The following ARHGAP31 variants were observed in gnomAD, a reference collection of about 807,000 sequenced individuals.
ARHGAP31 encodes the protein Rho GTPase activating protein 31.
ARHGAP31 carries 34 observed loss-of-function variants against 113.9 expected under a neutral mutation model. That is an observed-to-expected ratio of 0.30 (90% CI 0.23 to 0.40). The LOEUF is 0.40. Among genes scored for constraint, ARHGAP31 ranks in the 10% least tolerant of loss-of-function variants. The pLI is 1.00. For missense variants in ARHGAP31, 1,548 were observed against 1,767.1 expected (o/e 0.88, Z 2.22); for synonymous variants, 650 against 684.8 (o/e 0.95, Z 0.79).
At chr3:119,402,966 G>C (rs2080626195) in intron 10 of ARHGAP31, among the ~76,000 whole-genome samples, 1 of 152,220 alleles carries the variant, frequency 6.6e-6, no homozygotes, top group South Asian at 2.1e-4. Flanking sequence ...GATTGGATCT[G>C]CCTGAGTCCC....
At chr3:119,358,204 A>G (rs1333334506) in intron 1 of ARHGAP31, among the ~76,000 whole-genome samples, 3 of 152,242 alleles carry the variant, frequency 2.0e-5, no homozygotes, top group Non-Finnish European at 2.9e-5. Flanking sequence ...CAAATTATCC[A>G]AATAGACATT....
At chr3:119,365,236 G>A (rs2080243526) in intron 1 of ARHGAP31, 80 bp from the exon 2 acceptor site, 1 of 1,208,210 alleles carries the variant, frequency 8.3e-7, no homozygotes, top group Non-Finnish European at 1.2e-6. Flanking sequence ...GAAGGTACCT[G>A]GATTTTTAAA....
At chr3:119,309,382 C>T (rs1281725250) in intron 1 of ARHGAP31, among the ~76,000 whole-genome samples, 1 of 152,162 alleles carries the variant, frequency 6.6e-6, no homozygotes, top group Non-Finnish European at 1.5e-5. Flanking sequence ...TGGCTCCCAT[C>T]GATTGAGAAC....
At chr3:119,337,500 T>G (rs1185129018) in intron 1 of ARHGAP31, among the ~76,000 whole-genome samples, 2 of 152,232 alleles carry the variant, frequency 1.3e-5, no homozygotes, top group Non-Finnish European at 2.9e-5. Context: ...TCCACAATAC[T>G]GACGGGACCC....
chr3:119,397,881 A>G (rs934798187), intron 8 of ARHGAP31, among the ~76,000 whole-genome samples: 1 of 152,196 alleles, frequency 6.6e-6, no homozygotes, highest in Non-Finnish European at 1.5e-5. Context: ...ATCAATAATT[A>G]TTACTTTTTA....
At chr3:119,344,992 C>CT (rs1302937748) in intron 1 of ARHGAP31, among the ~76,000 whole-genome samples, 35 of 133,810 alleles carry the variant, frequency 2.6e-4, no homozygotes, top group African/African-American at 3.1e-4. Flanking sequence ...TTTCTTTTTT[C>CT]TTTTTTTTTG....
intron 1 of ARHGAP31, among the ~76,000 whole-genome samples, chr3:119,340,234 AT>A (rs2107612059): frequency 6.6e-6 from 1 of 152,354 alleles, no homozygotes; most frequent in Non-Finnish European, 1.5e-5. Context: ...TCATTTGGTC[AT>A]TTCTAATTTG....
At chr3:119,339,333 T>A (rs1458075185) in intron 1 of ARHGAP31, among the ~76,000 whole-genome samples, 1 of 152,204 alleles carries the variant, frequency 6.6e-6, no homozygotes, top group East Asian at 1.9e-4. Context: ...CAAAGATGTC[T>A]ATTTTTCCCT....
intron 3 of ARHGAP31, among the ~76,000 whole-genome samples, chr3:119,370,720 G>C (rs966473195): frequency 6.6e-6 from 1 of 152,162 alleles, no homozygotes; most frequent in Non-Finnish European, 1.5e-5. Flanking sequence ...TTCTCTCTAT[G>C]TGCCATGATT....
At chr3:119,302,138 A>G (rs1211839113) in intron 1 of ARHGAP31, among the ~76,000 whole-genome samples, 1 of 152,130 alleles carries the variant, frequency 6.6e-6, no homozygotes, top group Non-Finnish European at 1.5e-5. Flanking sequence ...CCCCCTATGC[A>G]CCAACAGAAA....
At chr3:119,394,783 C>T (rs528845643) in intron 8 of ARHGAP31, among the ~76,000 whole-genome samples, 1 of 152,054 alleles carries the variant, frequency 6.6e-6, no homozygotes, top group Non-Finnish European at 1.5e-5. Context: ...AGCAAAACCA[C>T]ATCTCTAAAA....
intron 1 of ARHGAP31, among the ~76,000 whole-genome samples, chr3:119,303,837 C>A (rs368451800): frequency 6.6e-6 from 1 of 151,808 alleles, no homozygotes; most frequent in African/African-American, 2.4e-5. Flanking sequence ...CAGTGTCGCC[C>A]GGGCTGGAAT....
Position 119,402,406 on chromosome 3 carries a change from A to G in ARHGAP31, c.1645+9A>G, listed in dbSNP as rs966942863. ...AGCTGAGACTTCTGCAGGTAAGTAG[A>G]GGAGAGAGGGTATCTTTCCGTTGCA... On this transcript the variant is annotated intron_variant, in intron 10 of 11. Coordinates refer to ENST00000264245, the MANE Select transcript of ARHGAP31 (RefSeq NM_020754.4). The G allele has an allele frequency of 6.2e-7, 1 of 1,611,438 alleles. No homozygotes were observed. Among genetic ancestry groups the G allele is most frequent in the African/African-American group, 1.3e-5 (1 of 74,910 alleles).
intron 3 of ARHGAP31, among the ~76,000 whole-genome samples, chr3:119,378,642 TGTGGG>T (rs2080369625): frequency 6.6e-6 from 1 of 152,158 alleles, no homozygotes; most frequent in South Asian, 2.1e-4. Flanking sequence ...CACAGCAGAA[TGTGGG>T]AGAGTCCACA....
intron 1 of ARHGAP31, among the ~76,000 whole-genome samples, chr3:119,321,971 A>G (rs1254085543): frequency 6.6e-6 from 1 of 152,232 alleles, no homozygotes; most frequent in East Asian, 1.9e-4. Flanking sequence ...TTTATCATAT[A>G]AATATGCCAG....
intron 1 of ARHGAP31, among the ~76,000 whole-genome samples, chr3:119,304,204 C>G (rs1260178722): frequency 6.6e-6 from 1 of 152,080 alleles, no homozygotes; most frequent in East Asian, 1.9e-4. Flanking sequence ...CAGAGATGCT[C>G]TCAAGTTGCT....
At chr3:119,388,311 T>C (rs910985171) in intron 6 of ARHGAP31, among the ~76,000 whole-genome samples, 7 of 122,438 alleles carry the variant, frequency 5.7e-5, no homozygotes, top group South Asian at 5.0e-4. Context: ...ATAATTTTTA[T>C]ATATATATAT....
chr3:119,342,650 C>G (rs564035121), intron 1 of ARHGAP31, among the ~76,000 whole-genome samples: 49 of 152,336 alleles, frequency 3.2e-4, no homozygotes, highest in African/African-American at 1.1e-3. Flanking sequence ...AAAACATTTT[C>G]ATTTAAAGAC....
chr3:119,307,043 GT>G (rs11451539), intron 1 of ARHGAP31, among the ~76,000 whole-genome samples: 2 of 149,042 alleles, frequency 1.3e-5, no homozygotes, highest in African/African-American at 2.5e-5. Context: ...AAGTCTGTTA[GT>G]TTTTTTTTTC....
Sources: allele counts gnomAD v4.1 joint callset (sites outside exome capture counted in the v4.1 genomes callset), GRCh38; gene constraint gnomAD v4.1.1; transcripts MANE v1.5; gene names NCBI Gene and HGNC (gene_info 2026-07-23, HGNC 2026-07-21).